Variants in GLRA1 observed in about 807,000 individuals in gnomAD.
GLRA1 encodes glycine receptor alpha 1, also known as glycine receptor subunit alpha-1.
In GLRA1, 37 loss-of-function variants were observed where a neutral mutation model predicts 48.3. The ratio of observed to expected loss-of-function variants is 0.77; its 90% confidence interval spans 0.59 to 1.01. GLRA1 has a LOEUF of 1.01. Among genes scored for constraint, GLRA1 ranks in the 50% least tolerant of loss-of-function variants. The pLI, the probability that GLRA1 is intolerant of heterozygous loss-of-function variation, is 0.00. For missense variants in GLRA1, 427 were observed against 571.0 expected (o/e 0.75, Z 2.57); for synonymous variants, 196 against 210.7 (o/e 0.93, Z 0.60).
At chr5:151,902,303 G>A (rs1177277365) in intron 1 of GLRA1, among the ~76,000 whole-genome samples, 5 of 151,866 alleles carry the variant, frequency 3.3e-5, no homozygotes, top group Non-Finnish European at 5.9e-5. Flanking sequence ...TAACTGGAGC[G>A]CTCCAGGTCT....
intron 1 of GLRA1, among the ~76,000 whole-genome samples, chr5:151,923,170 G>A (rs1754921095): frequency 6.6e-6 from 1 of 152,172 alleles, no homozygotes; most frequent in African/African-American, 2.4e-5. Context: ...GAGATTAGAA[G>A]CTTTAGCATT....
intron 7 of GLRA1, among the ~76,000 whole-genome samples, chr5:151,831,860 C>G (rs1051725705): frequency 6.6e-6 from 1 of 152,212 alleles, no homozygotes; most frequent in African/African-American, 2.4e-5. Context: ...GGAGAGACAC[C>G]TCCCTGCAGG....
chr5:151,911,772 AT>A (rs530136649), intron 1 of GLRA1, among the ~76,000 whole-genome samples: 7 of 150,546 alleles, frequency 4.6e-5, no homozygotes, highest in Non-Finnish European at 8.9e-5. Context: ...CACCTGGCTA[AT>A]TTTTTTTTGT....
chr5:151,846,305 A>C (rs969514535), intron 7 of GLRA1, among the ~76,000 whole-genome samples: 2 of 152,222 alleles, frequency 1.3e-5, no homozygotes, highest in Admixed American at 6.5e-5. Flanking sequence ...CAAATGCAGC[A>C]GAATGTTGAG....
intron 3 of GLRA1, among the ~76,000 whole-genome samples, chr5:151,873,275 G>C (rs1392407813): frequency 6.7e-6 from 1 of 149,384 alleles, no homozygotes; most frequent in Non-Finnish European, 1.5e-5. Context: ...CAGAGGTTGA[G>C]AGAGAGGTCA....
Position 151,838,494 on chromosome 5 carries a change from C to T in GLRA1, c.913-9427G>A, listed in dbSNP as rs556658328. On this transcript the variant is annotated intron_variant, in intron 7 of 8. Transcript: ENST00000274576. ...AAAAAAAGAAATGATAAAGAAGAACCAAATAGAAATTCTGGAGTTGAAAAG... is the reference window on the plus strand; with the variant it reads ...AAAAAAAGAAATGATAAAGAAGAACTAAATAGAAATTCTGGAGTTGAAAAG... Among the ~76,000 whole-genome samples the T allele has an allele frequency of 3.9e-5, 6 of 151,992 alleles. No individual in the cohort carries two copies. The East Asian group carries it at 9.7e-4, about 24-fold the overall frequency.
chr5:151,845,102 C>T (rs570938144), intron 7 of GLRA1, among the ~76,000 whole-genome samples: 2 of 152,020 alleles, frequency 1.3e-5, no homozygotes, highest in East Asian at 3.9e-4. Context: ...AGGTGTATTA[C>T]CTGTGGCCAG....
At chr5:151,914,546 G>A (rs1024066134) in intron 1 of GLRA1, among the ~76,000 whole-genome samples, 1 of 152,142 alleles carries the variant, frequency 6.6e-6, no homozygotes, top group African/African-American at 2.4e-5. Flanking sequence ...AAGGGACCAA[G>A]ACTTTTAAAA....
chr5:151,822,815 T>C lies in GLRA1; in HGVS notation c.1208A>G (p.Glu403Gly). 2 of 1,613,482 alleles carry C rather than the reference T, an allele frequency of 1.2e-6. No homozygotes were observed. Among genetic ancestry groups the C allele is most frequent in the Non-Finnish European group, 8.5e-7 (1 of 1,179,436 alleles). Residue 403 changes from glutamate (E) to glycine (G), a missense_variant, in exon 9 of 9, where the codon GAG becomes GGG. Physicochemically the swap from Glu to Gly is moderately conservative, Grantham distance 98. Around this residue, in one of 4 missense-constraint regions of GLRA1, gnomAD observed 121 missense variants for 96.5 expected, o/e 1.25. Transcript: ENST00000274576. ...CCTCTGGATGAAGAGTTTTCGCATC[T>C]CCTCTGGGGACTTAGATGGTGCAGG... ...PPPAPSKSPE[E>G]MRKLFIQRAK...
Position 151,822,953 on chromosome 5 carries a change from G to C in GLRA1, c.1070C>G (p.Ala357Gly), listed in dbSNP as rs759563251. 3 of 1,606,324 alleles carry C rather than the reference G, an allele frequency of 1.9e-6. No homozygotes were observed. Among genetic ancestry groups the C allele is most frequent in the Non-Finnish European group, 2.6e-6 (3 of 1,175,038 alleles). ...AGAGAAGTTAAAGCGGCCTTCTCCA[G>C]CTTCATCCTCCTGGAATAGATTCAA... Reference protein sequence around the residue: ...RKRRHHKEDEAGEGRFNFSAY... With the variant: ...RKRRHHKEDEGGEGRFNFSAY... Residue 357 changes from alanine to glycine, a missense_variant, in exon 9 of 9, where the codon GCT becomes GGT. Ala to Gly is a moderately conservative substitution (Grantham distance 60). This residue lies in a region of GLRA1 where 31 missense variants were observed against 21.9 expected (regional missense o/e 1.41). Transcript: ENST00000274576.
At chr5:151,895,306 G>A (rs1754202818) in intron 1 of GLRA1, among the ~76,000 whole-genome samples, 1 of 152,130 alleles carries the variant, frequency 6.6e-6, no homozygotes, top group Admixed American at 6.5e-5. Flanking sequence ...GGGTGTGGAT[G>A]TGTAAAATGC....
intron 1 of GLRA1, among the ~76,000 whole-genome samples, chr5:151,919,599 G>A (rs1754825702): frequency 6.6e-6 from 1 of 152,214 alleles, no homozygotes; most frequent in Admixed American, 6.5e-5. Context: ...TTCAATAGCT[G>A]TAACCAAAGC....
intron 1 of GLRA1, among the ~76,000 whole-genome samples, chr5:151,895,735 G>A (rs191182094): frequency 1.7e-3 from 264 of 152,028 alleles, no homozygotes; most frequent in Middle Eastern, 3.4e-3. Context: ...GAGCCCACAT[G>A]GCTGGAAAAC....
chr5:151,853,977 T>C (rs1752973590), intron 6 of GLRA1, among the ~76,000 whole-genome samples: 1 of 152,246 alleles, frequency 6.6e-6, no homozygotes, highest in African/African-American at 2.4e-5. Flanking sequence ...TATTTCACAA[T>C]GCATATGTAT....
At chr5:151,916,423 G>A (rs745388075) in intron 1 of GLRA1, among the ~76,000 whole-genome samples, 1 of 152,228 alleles carries the variant, frequency 6.6e-6, no homozygotes, top group Non-Finnish European at 1.5e-5. Flanking sequence ...TGAGCACACA[G>A]CAATAAACAC....
At chr5:151,879,828 G>A (rs1753718420) in intron 3 of GLRA1, among the ~76,000 whole-genome samples, 1 of 152,198 alleles carries the variant, frequency 6.6e-6, no homozygotes, top group Non-Finnish European at 1.5e-5. Context: ...GAGGGGCCAG[G>A]AGCGGAATGA....
intron 1 of GLRA1, among the ~76,000 whole-genome samples, chr5:151,923,601 A>T (rs1754931680): frequency 6.6e-6 from 1 of 152,214 alleles, no homozygotes; most frequent in Admixed American, 6.5e-5. Flanking sequence ...TATCTATTTC[A>T]ATGCTTCTTA....
At chr5:151,893,344 CT>C (rs1295031095) in intron 1 of GLRA1, among the ~76,000 whole-genome samples, 12 of 146,394 alleles carry the variant, frequency 8.2e-5, no homozygotes, top group Admixed American at 2.7e-4. Context: ...TTCTTTCTTT[CT>C]TTCTTTCTTT....
At chr5:151,920,040 G>A (rs1754835345) in intron 1 of GLRA1, among the ~76,000 whole-genome samples, 2 of 152,254 alleles carry the variant, frequency 1.3e-5, no homozygotes, top group Admixed American at 1.3e-4. Flanking sequence ...AGGGAGCAGT[G>A]TCTCCCCTTT....
Sources: gnomAD v4.1 joint callset for allele counts (sites outside exome capture counted in the v4.1 genomes callset) on GRCh38, gnomAD v4.1.1 for gene constraint, gnomAD v4.1.1 regional missense constraint, MANE v1.5 for transcripts, NCBI Gene and HGNC (gene_info 2026-07-23, HGNC 2026-07-21) for gene names.